PXDN: variants seen among roughly 807,000 people sequenced by gnomAD.
PXDN encodes the protein peroxidasin homolog.
PXDN carries 77 observed loss-of-function variants against 140.3 expected under a neutral mutation model. The observed-to-expected ratio is 0.55, with a 90% CI of 0.46 to 0.66. The LOEUF (loss-of-function observed/expected upper bound fraction) is 0.66, where lower values mean the gene tolerates loss of function less well. PXDN is among the 30% of genes least tolerant of loss of function. The pLI, the probability that PXDN is intolerant of heterozygous loss-of-function variation, is 0.00. For synonymous variants in PXDN, 911 were observed against 857.4 expected, an observed-to-expected ratio of 1.06 and a Z score of -1.09; for missense variants, 1,838 against 2,039.5, an observed-to-expected ratio of 0.90 and a Z score of 1.90.
At chr2:1,692,448 A>C (rs1572164283) in intron 2 of PXDN, 1 of 468,612 alleles carries the variant, frequency 2.1e-6, no homozygotes, top group East Asian at 7.0e-5. Flanking sequence ...GGGGTGAGAG[A>C]CCCCGGGCCA....
At chr2:1,641,736 G>T (rs146449046) in intron 19 of PXDN, among the ~76,000 whole-genome samples, 10 of 152,302 alleles carry the variant, frequency 6.6e-5, no homozygotes, top group South Asian at 2.1e-4. Flanking sequence ...TGTAACATGC[G>T]GGGAACAAAG....
intron 14 of PXDN, 87 bp from the exon 15 acceptor site, chr2:1,654,595 C>T (rs528634922): frequency 2.1e-5 from 16 of 753,776 alleles, no homozygotes; most frequent in Non-Finnish European, 3.0e-5. Flanking sequence ...TCATTAGCCA[C>T]AAGGCATACT....
At chr2:1,635,268 G>A (rs1241870602) in intron 22 of PXDN, 140 bp downstream of exon 22, 5 of 742,438 alleles carry the variant, frequency 6.7e-6, no homozygotes, top group African/African-American at 1.7e-5. Flanking sequence ...TTCCATAGGA[G>A]TGAAGGAGGG....
intron 14 of PXDN, among the ~76,000 whole-genome samples, chr2:1,658,869 C>T (rs1572134997): frequency 6.6e-6 from 1 of 150,762 alleles, no homozygotes; most frequent in African/African-American, 2.4e-5. Context: ...GAATTCAATA[C>T]GCAGGCGAGT....
At chr2:1,683,870 A>G (rs1006213156) in intron 5 of PXDN, 143 bp from the exon 6 acceptor site, 18 of 915,742 alleles carry the variant, frequency 2.0e-5, no homozygotes, top group Non-Finnish European at 3.0e-5. Flanking sequence ...ATCTGAAAAC[A>G]AAAGAAATGG....
chr2:1,691,543 G>A (rs1558510959), intron 3 of PXDN, among the ~76,000 whole-genome samples: 1 of 152,158 alleles, frequency 6.6e-6, no homozygotes, highest in Non-Finnish European at 1.5e-5. Context: ...AGCTGGCAAG[G>A]CGACCGGAAA....
At chr2:1,722,061 A>C (rs1685065949) in intron 1 of PXDN, among the ~76,000 whole-genome samples, 1 of 152,230 alleles carries the variant, frequency 6.6e-6, no homozygotes, top group Non-Finnish European at 1.5e-5. Context: ...CAGTTTTATA[A>C]ATGAGAAAAT....
At position 1,677,044 on chromosome 2, in the gene PXDN, T is replaced by C; in HGVS notation, c.731A>G (p.Glu244Gly). Residue 244 changes from glutamate to glycine, a missense_variant and splice_region_variant, in exon 8 of 23, where the codon GAA becomes GGA. This residue lies in a region of PXDN where 208 missense variants were observed against 325.8 expected (regional missense o/e 0.64). Transcript: ENST00000252804. ...ATITPEELNC[E>G]RPRITSEPQD... is the part of the protein sequence containing the mutation. ...GGGCTCGGAGGTGATCCGGGGCCTT[T>C]CTGTGCCCAACCAGAAAATGGAAAC... The C allele has an allele frequency of 6.3e-7, 1 of 1,592,374 alleles. No individual in the cohort carries two copies. Among genetic ancestry groups the C allele is most frequent in the East Asian group, 2.3e-5 (1 of 44,318 alleles).
At chr2:1,733,402 G>A (rs1252749022) in intron 1 of PXDN, among the ~76,000 whole-genome samples, 1 of 152,128 alleles carries the variant, frequency 6.6e-6, no homozygotes, top group East Asian at 1.9e-4. Context: ...CACGATATGG[G>A]TGTCAGTAGA....
chr2:1,666,396 G>T lies in PXDN; in HGVS notation c.1109C>A (p.Pro370Gln). Residue 370 changes from proline to glutamine, a missense_variant, in exon 10 of 23, where the codon CCG becomes CAG. Pro to Gln is a moderately conservative substitution (Grantham distance 76). This residue lies in a region of PXDN where 208 missense variants were observed against 325.8 expected (regional missense o/e 0.64). Coordinates refer to ENST00000252804, the MANE Select transcript of PXDN (RefSeq NM_012293.3). ...TLECSATGHPPPRISWTRGDR... is the reference protein window; with the variant it reads ...TLECSATGHPQPRISWTRGDR... ...ACCTCTCGTCCAGGAGATCCGCGGC[G>T]GGGGGTGGCCTGTGGCGCTGCACTC... The T allele has an allele frequency of 1.9e-6, 3 of 1,613,790 alleles. No individual in the cohort carries two copies. Among genetic ancestry groups the T allele is most frequent in the South Asian group, 1.1e-5 (1 of 91,022 alleles).
At chr2:1,710,415 G>C (rs867891641) in intron 1 of PXDN, among the ~76,000 whole-genome samples, 2 of 152,238 alleles carry the variant, frequency 1.3e-5, no homozygotes, top group African/African-American at 4.8e-5. Flanking sequence ...GGTGGTATTA[G>C]GAGGTGTGAA....
intron 1 of PXDN, among the ~76,000 whole-genome samples, chr2:1,698,259 G>A (rs1008998745): frequency 6.6e-6 from 1 of 152,156 alleles, no homozygotes; most frequent in African/African-American, 2.4e-5. Flanking sequence ...AATTCCAGTG[G>A]GTCTTATCAG....
intron 1 of PXDN, among the ~76,000 whole-genome samples, chr2:1,721,424 A>T (rs1281188729): frequency 6.6e-6 from 1 of 152,214 alleles, no homozygotes; most frequent in African/African-American, 2.4e-5. Context: ...CCCACTGGGC[A>T]TTCATCCAGG....
At chr2:1,644,588 C>T (rs755727983) in intron 18 of PXDN, 30 bp downstream of exon 18, 13 of 1,560,508 alleles carry the variant, frequency 8.3e-6, no homozygotes, top group East Asian at 7.0e-5. Context: ...GGCTTAGGAG[C>T]GTGCTCCCCT....
chr2:1,744,537 G>A, upstream of PXDN: 2 of 1,166,956 alleles, frequency 1.7e-6, no homozygotes, highest in Non-Finnish European at 2.2e-6. Flanking sequence ...CGCGGCCCAC[G>A]TCCCAGCTGT....
rs1414367662 is a variant in PXDN at position 1,640,809 on chromosome 2, C to T, written c.3953-1387G>A. Among the ~76,000 whole-genome samples, 4 of 152,192 alleles carry T rather than the reference C, an allele frequency of 2.6e-5. No homozygotes were observed. In the East Asian group the frequency reaches 7.7e-4, roughly 29 times the overall value. On this transcript the variant is annotated intron_variant, in intron 19 of 22. Transcript: ENST00000252804. ...GGGCTGTGCAGGTCTGGGGTGGGTC[C>T]CTGGTAGAATTACAGGGCGACAGGG...
chr2:1,643,467 G>A lies in PXDN; in HGVS notation c.3853C>T (p.Gln1285Ter). The change falls in exon 19 of 23, where the codon CAG (glutamine) becomes TAG (stop). Residue 1285 changes from glutamine to a stop codon, truncating the protein, a stop_gained. Coordinates refer to ENST00000252804, the MANE Select transcript of PXDN (RefSeq NM_012293.3). LOFTEE classifies it high-confidence loss of function. ...CDNADNITRV[Q>*]SDVFRVAEFP... is the part of the protein sequence containing the mutation. ...TCCGCCACCCTGAACACGTCGCTCT[G>A]CACCCGGGTGATGTTGTCCGCGTTG... 1 of 1,613,934 alleles carries A rather than the reference G, an allele frequency of 6.2e-7. No homozygotes were observed.
At chr2:1,694,982 A>G (rs1054865196) in intron 1 of PXDN, among the ~76,000 whole-genome samples, 7 of 152,362 alleles carry the variant, frequency 4.6e-5, no homozygotes, top group African/African-American at 1.7e-4. Context: ...CGAGCCACGC[A>G]TCACAGCTTA....
At chr2:1,710,360 G>A (rs1383263391) in intron 1 of PXDN, among the ~76,000 whole-genome samples, 3 of 152,158 alleles carry the variant, frequency 2.0e-5, no homozygotes, top group Admixed American at 6.5e-5. Context: ...AGGCCGCTGG[G>A]GGCTCAGCGT....
Sources: allele counts gnomAD v4.1 joint callset (sites outside exome capture counted in the v4.1 genomes callset), GRCh38; gene constraint gnomAD v4.1.1; regional missense constraint gnomAD v4.1.1; transcripts MANE v1.5; gene names NCBI Gene and HGNC (gene_info 2026-07-23, HGNC 2026-07-21).